Variants in CIAPIN1 observed in about 807,000 individuals in gnomAD.
CIAPIN1 encodes cytokine induced apoptosis inhibitor 1, also known as anamorsin.
Under a neutral mutation model 34.3 loss-of-function variants are expected in CIAPIN1, and 18 were observed. The ratio of observed to expected loss-of-function variants is 0.52; its 90% confidence interval spans 0.36 to 0.78. The LOEUF (loss-of-function observed/expected upper bound fraction) is 0.78. Ranked by LOEUF, CIAPIN1 falls within the 30% of genes least tolerant of loss-of-function variation. The pLI is 0.00. For synonymous variants in CIAPIN1, 131 were observed against 140.4 expected (o/e 0.93, Z 0.47); for missense variants, 310 against 372.5 (o/e 0.83, Z 1.38).
chr16:57,436,566 T>C (rs1903204694), intron 4 of CIAPIN1, 90 bp downstream of exon 4: 1 of 989,930 alleles, frequency 1.0e-6, no homozygotes, highest in Non-Finnish European at 1.6e-6. Flanking sequence ...ATCATGTATC[T>C]TACATGCACA....
chr16:57,435,174 T>G (rs1903171714), intron 4 of CIAPIN1, among the ~76,000 whole-genome samples: 1 of 152,142 alleles, frequency 6.6e-6, no homozygotes, highest in Admixed American at 6.5e-5. Flanking sequence ...TTGTAAAGTA[T>G]GGCACCTTCC....
At chr16:57,446,181 C>T (rs1275958032) in intron 1 of CIAPIN1, among the ~76,000 whole-genome samples, 3 of 152,054 alleles carry the variant, frequency 2.0e-5, no homozygotes, top group African/African-American at 4.8e-5. Flanking sequence ...GAAACAGGAA[C>T]GTCTCCAGGC....
Position 57,432,504 on chromosome 16 carries a change from T to C in CIAPIN1, c.613A>G (p.Met205Val), listed in dbSNP as rs1159758435. 3 of 1,613,634 alleles carry C rather than the reference T, an allele frequency of 1.9e-6. No individual in the cohort carries two copies. Among genetic ancestry groups the C allele is most frequent in the Non-Finnish European group, 2.5e-6 (3 of 1,179,922 alleles). ...CAGCTCACCATGCTGTCGTCCTCCATATCGTTGGCTGAGAGGGTCCACAGC... is the reference window on the plus strand; with the variant it reads ...CAGCTCACCATGCTGTCGTCCTCCACATCGTTGGCTGAGAGGGTCCACAGC... ...AKLWTLSAND[M>V]EDDSMDLIDS... Residue 205 changes from methionine (M) to valine (V), a missense_variant, in exon 6 of 9, where the codon ATG becomes GTG. Physicochemically the swap from Met to Val is conservative, Grantham distance 21. Transcript: ENST00000394391.
intron 3 of CIAPIN1, among the ~76,000 whole-genome samples, chr16:57,438,288 CA>C (rs35361024): frequency 6.6e-6 from 1 of 152,116 alleles, no homozygotes; most frequent in Non-Finnish European, 1.5e-5. Context: ...TACCACCGAT[CA>C]AAAAAGTTTT....
intron 4 of CIAPIN1, 42 bp downstream of exon 4, chr16:57,436,614 C>T: frequency 7.0e-6 from 10 of 1,427,872 alleles, no homozygotes; most frequent in Non-Finnish European, 9.9e-6. Flanking sequence ...ATACTGATTA[C>T]CTCACCTGCA....
rs761232060 is a variant in CIAPIN1, at chr16:57,436,706, A to G, written c.337T>C (p.Ser113Pro). Reference protein sequence around the residue: ...VDNNSKVKTASKLCSALTLSG... With the variant: ...VDNNSKVKTAPKLCSALTLSG... ...AGAGTCAGGGCTGAACACAGCTTAG[A>G]TGCTGTCTTCACTTTGCTATTGTTA... Residue 113 changes from serine to proline, a missense_variant, in exon 4 of 9, where the codon TCT (serine) becomes CCT (proline). By Grantham distance (74) the Ser-to-Pro change is moderately conservative (BLOSUM62 -1). Coordinates refer to ENST00000394391, the MANE Select transcript of CIAPIN1 (RefSeq NM_020313.4). 1.2e-6 allele frequency: 2 copies of G among 1,613,978 alleles called. No homozygotes were observed. Among genetic ancestry groups the G allele is most frequent in the South Asian group, 1.1e-5 (1 of 91,072 alleles).
rs548390321 is a variant in CIAPIN1 at position 57,443,775 on chromosome 16, C to G, written c.-55-2792G>C. ...CAATTTTGGTTTTTAAATCCCTAAACAGCACACAATCAAGAACTGAAACTT... is the reference window on the plus strand; with the variant it reads ...CAATTTTGGTTTTTAAATCCCTAAAGAGCACACAATCAAGAACTGAAACTT... On this transcript the variant is annotated intron_variant, in intron 1 of 8. Transcript: ENST00000394391. Among the ~76,000 whole-genome samples the G allele has an allele frequency of 5.3e-5, 8 of 152,274 alleles. No individual in the cohort carries two copies. The East Asian group carries it at 1.5e-3, about 29-fold the overall frequency.
chr16:57,443,708 C>T (rs1375235015), intron 1 of CIAPIN1, among the ~76,000 whole-genome samples: 1 of 152,190 alleles, frequency 6.6e-6, no homozygotes, highest in Non-Finnish European at 1.5e-5. Context: ...ACCTCGGCCT[C>T]CCAAAGTGCT....
At chr16:57,440,483 C>T (rs1903304416) in intron 2 of CIAPIN1, among the ~76,000 whole-genome samples, 1 of 152,144 alleles carries the variant, frequency 6.6e-6, no homozygotes. Flanking sequence ...ACGGAACCCG[C>T]CGACATGTGA....
intron 8 of CIAPIN1, among the ~76,000 whole-genome samples, chr16:57,429,685 G>C (rs1367728096): frequency 6.6e-6 from 1 of 151,982 alleles, no homozygotes; most frequent in Non-Finnish European, 1.5e-5. Flanking sequence ...GTAGAGACGG[G>C]GTTTCACCAT....
rs146357653 is a variant in CIAPIN1 at position 57,443,385 on chromosome 16, C to T, written c.-55-2402G>A. Among the ~76,000 whole-genome samples the T allele has an allele frequency of 2.8e-4, 42 of 152,200 alleles. No homozygotes were observed. In the East Asian group the frequency reaches 5.2e-3, roughly 19 times the overall value. On this transcript the variant is annotated intron_variant, in intron 1 of 8. Coordinates refer to ENST00000394391, the MANE Select transcript of CIAPIN1 (RefSeq NM_020313.4). ...AACTCCCAGCCTCAGGTGATCCACC[C>T]GCCTCAGCCTCCCAAAGTGATGAGA...
At chr16:57,439,086 G>C (rs1052499103) in intron 3 of CIAPIN1, 96 bp downstream of exon 3, 3 of 1,213,836 alleles carry the variant, frequency 2.5e-6, no homozygotes, top group Non-Finnish European at 3.5e-6. Flanking sequence ...CAGGAATACT[G>C]ATCTCCCAAT....
At chr16:57,431,095 T>G in intron 7 of CIAPIN1, 56 bp downstream of exon 7, 2 of 1,071,838 alleles carry the variant, frequency 1.9e-6, no homozygotes, top group Non-Finnish European at 1.4e-6. Context: ...CCGCGATGTC[T>G]TCAGCATGAA....
chr16:57,429,383 G>A, intron 8 of CIAPIN1, 103 bp from the exon 9 acceptor site: 1 of 742,054 alleles, frequency 1.3e-6, no homozygotes, highest in African/African-American at 1.7e-5. Flanking sequence ...TGGCCTGAAG[G>A]AAATGGCTAT....
At position 57,447,331 on chromosome 16, in the gene CIAPIN1, A is replaced by G. The variant is rs2030130956; in HGVS notation, c.-56+11T>C. ...GAGCTCTGGCGCTCAGCTGGCCCCC[A>G]CCACTCTCACCTGCCGCCTGGGCTC... On this transcript the variant is annotated intron_variant, in intron 1 of 8. Transcript: ENST00000394391. The G allele has an allele frequency of 6.2e-6, 3 of 487,526 alleles. No individual in the cohort carries two copies. Among genetic ancestry groups the G allele is most frequent in the Non-Finnish European group, 9.7e-6 (3 of 307,876 alleles). The allele number at this position is 487,526 out of a possible 1,614,324, so 30.2% of individuals were successfully genotyped here.
intron 4 of CIAPIN1, 77 bp from the exon 5 acceptor site, chr16:57,434,289 C>A (rs1341241153): frequency 1.5e-6 from 2 of 1,374,364 alleles, no homozygotes; most frequent in African/African-American, 2.9e-5. Context: ...ACACAGGAGT[C>A]AAAGACTCAT....
chr16:57,446,232 C>A (rs2030061965), intron 1 of CIAPIN1, among the ~76,000 whole-genome samples: 1 of 152,080 alleles, frequency 6.6e-6, no homozygotes. Context: ...GAAAGGATAC[C>A]CAAATGTTAG....
At chr16:57,434,281 A>C in intron 4 of CIAPIN1, 69 bp from the exon 5 acceptor site, 1 of 1,469,388 alleles carries the variant, frequency 6.8e-7, no homozygotes, top group Non-Finnish European at 9.5e-7. Flanking sequence ...GTCTACCTAC[A>C]CAGGAGTCAA....
In CIAPIN1 at chr16:57,440,996, A is replaced by T; in HGVS notation, c.-55-13T>A. On this transcript the variant is annotated splice_polypyrimidine_tract_variant and intron_variant, in intron 1 of 8. Transcript: ENST00000394391. ...AAGGGAATCAAGACTGGGCAGAGAC[A>T]AAGTGCAATTTAATCTGTGAGATAT... 6.6e-7 allele frequency: 1 copy of T among 1,514,504 alleles called. No individual in the cohort carries two copies. The highest frequency in any genetic ancestry group is 9.0e-7 in the Non-Finnish European group (1 of 1,113,954). The allele number at this position is 1,514,504 out of a possible 1,614,324, so 93.8% of individuals were successfully genotyped here.
Sources: gnomAD v4.1 joint callset for allele counts (sites outside exome capture counted in the v4.1 genomes callset) on GRCh38, gnomAD v4.1.1 for gene constraint, MANE v1.5 for transcripts, NCBI Gene and HGNC (gene_info 2026-07-23, HGNC 2026-07-21) for gene names.